The following PPFIA2 variants were observed in gnomAD, a reference collection of about 807,000 sequenced individuals.
PPFIA2 encodes the protein liprin-alpha-2.
PPFIA2 carries 46 observed loss-of-function variants against 175.5 expected under a neutral mutation model. The ratio of observed to expected loss-of-function variants is 0.26; its 90% CI spans 0.21 to 0.34. The LOEUF (loss-of-function observed/expected upper bound fraction) is 0.34. PPFIA2 is among the 10% of genes least tolerant of loss of function. PPFIA2 has a pLI of 1.00. For synonymous variants in PPFIA2, 568 were observed against 511.4 expected, an observed-to-expected ratio of 1.11 and a Z score of -1.49; for missense variants, 1,179 against 1,506.1, an observed-to-expected ratio of 0.78 and a Z score of 3.60.
At chr12:81,635,007 T>C (rs978344845) in intron 4 of PPFIA2, among the ~76,000 whole-genome samples, 1 of 152,230 alleles carries the variant, frequency 6.6e-6, no homozygotes, top group South Asian at 2.1e-4. Flanking sequence ...CTTCTCAGTA[T>C]GTGATACAAA....
chr12:81,641,316 T>C (rs1463589287), intron 4 of PPFIA2, among the ~76,000 whole-genome samples: 3 of 152,308 alleles, frequency 2.0e-5, no homozygotes, highest in Middle Eastern at 3.4e-3. Flanking sequence ...CAAATCTCAT[T>C]GATTATTATC....
chr12:81,509,519 A>G (rs945937837), intron 4 of PPFIA2, among the ~76,000 whole-genome samples: 2 of 151,570 alleles, frequency 1.3e-5, no homozygotes, highest in Admixed American at 1.3e-4. Context: ...TGCCCTTGAA[A>G]TCTCTGTCTT....
At chr12:81,283,079 T>C (rs371859311) in intron 25 of PPFIA2, 40 bp from the exon 26 acceptor site, 1 of 1,597,908 alleles carries the variant, frequency 6.3e-7, no homozygotes, top group Admixed American at 1.7e-5. Flanking sequence ...AGCAGGTAAA[T>C]ATAAATTAAT....
intron 16 of PPFIA2, among the ~76,000 whole-genome samples, chr12:81,356,718 A>G (rs753955965): frequency 7.9e-5 from 12 of 152,184 alleles, no homozygotes; most frequent in Non-Finnish European, 1.3e-4. Flanking sequence ...AGACAGATAT[A>G]GGAAATGAGC....
rs1414433562 is a variant in PPFIA2, at chr12:81,267,772, T to G, written c.3486+140A>C. 5 of 566,876 alleles carry G rather than the reference T, an allele frequency of 8.8e-6. No homozygotes were observed. The East Asian group carries it at 1.4e-4, about 16-fold the overall frequency. 35.1% of individuals were successfully genotyped at this position (566,876 alleles called of 1,614,324 possible). ...TGGCTAGAAATCCACTAGCCTGAAA[T>G]TAAAACCCCAGTGACATATTTCAAA... On this transcript the variant is annotated intron_variant, in intron 29 of 32. Transcript: ENST00000549396.
intron 4 of PPFIA2, among the ~76,000 whole-genome samples, chr12:81,622,207 A>G (rs73147410): frequency 0.064 from 9,717 of 152,256 alleles, 431 homozygotes; most frequent in East Asian, 0.25. Context: ...CCAATTGGGT[A>G]TATCAACTTG....
At chr12:81,396,181 C>A (rs764705960) in intron 8 of PPFIA2, among the ~76,000 whole-genome samples, 6 of 151,974 alleles carry the variant, frequency 3.9e-5, no homozygotes, top group African/African-American at 1.4e-4. Flanking sequence ...ATATTTATTT[C>A]TTATTCTTGA....
At chr12:81,516,274 G>A (rs2062428018) in intron 4 of PPFIA2, among the ~76,000 whole-genome samples, 1 of 152,062 alleles carries the variant, frequency 6.6e-6, no homozygotes, top group Non-Finnish European at 1.5e-5. Context: ...AAGAGTTCTT[G>A]TTGAGATTAA....
chr12:81,572,407 T>C (rs1044707340), intron 4 of PPFIA2, among the ~76,000 whole-genome samples: 4 of 152,058 alleles, frequency 2.6e-5, no homozygotes, highest in African/African-American at 9.7e-5. Context: ...ATGTGTTTCC[T>C]TAAGTATTGT....
intron 22 of PPFIA2, among the ~76,000 whole-genome samples, chr12:81,309,856 AC>A (rs1394676853): frequency 1.3e-5 from 2 of 151,842 alleles, no homozygotes; most frequent in African/African-American, 2.4e-5. Context: ...AGGTATAAAT[AC>A]CCCCCTGACA....
Position 81,424,550 on chromosome 12 carries a change from G to A in PPFIA2, c.645+15422C>T, listed in dbSNP as rs184828159. On this transcript the variant is annotated intron_variant, in intron 7 of 32. Coordinates refer to ENST00000549396, the MANE Select transcript of PPFIA2 (RefSeq NM_003625.5). Reference sequence around the variant, plus strand: ...TCCAAACATTCTTTATGTTTTGTGTGTTCTAGAGTCTGCTTTTTGTACATT... The same window carrying A: ...TCCAAACATTCTTTATGTTTTGTGTATTCTAGAGTCTGCTTTTTGTACATT... Among the ~76,000 whole-genome samples the A allele has an allele frequency of 4.9e-4, 75 of 152,134 alleles. 1 individual carries two copies. Among genetic ancestry groups the A allele is most frequent in the African/African-American group, 1.8e-3 (74 of 41,516 alleles).
At chr12:81,558,071 T>C (rs1045668069) in intron 4 of PPFIA2, among the ~76,000 whole-genome samples, 4 of 152,124 alleles carry the variant, frequency 2.6e-5, no homozygotes, top group East Asian at 3.9e-4. Context: ...ATTCTTAAGA[T>C]ACTCCATTTA....
chr12:81,602,992 C>T lies in PPFIA2; in HGVS notation c.303+73799G>A, dbSNP rs141255341. Among the ~76,000 whole-genome samples, 187 of 151,896 alleles carry T rather than the reference C, an allele frequency of 1.2e-3. 2 individuals carry two copies. The highest frequency in any genetic ancestry group is 4.3e-3 in the African/African-American group (180 of 41,514). ...GATAAATGTTGACTCAATGAATGTG[C>T]TGCTTACACAATATGGCTAAGTAAT... On this transcript the variant is annotated intron_variant, in intron 4 of 32. Transcript: ENST00000549396.
At chr12:81,741,916 G>T (rs751845638) in intron 3 of PPFIA2, among the ~76,000 whole-genome samples, 53 of 152,178 alleles carry the variant, frequency 3.5e-4, no homozygotes, top group Non-Finnish European at 6.3e-4. Flanking sequence ...ATAAATTTAA[G>T]CAGGATGATC....
rs1488766071 is a variant in PPFIA2, at chr12:81,531,325, A to T, written c.304-73459T>A. 2.0e-5 allele frequency among the ~76,000 whole-genome samples: 3 copies of T among 151,866 alleles called. No homozygotes were observed. In the Admixed American group the frequency reaches 2.0e-4, roughly 10 times the overall value. On this transcript the variant is annotated intron_variant, in intron 4 of 32. Transcript: ENST00000549396. ...ATCCCTGCCCTTCAGAAAACTAAAG[A>T]ATGGTGGAAGAGACAGATAATTAAA...
At chr12:81,660,180 G>A (rs897120123) in intron 4 of PPFIA2, among the ~76,000 whole-genome samples, 5 of 152,128 alleles carry the variant, frequency 3.3e-5, no homozygotes, top group East Asian at 1.9e-4. Flanking sequence ...CACCAGCAAC[G>A]GAACAAAGAT....
intron 4 of PPFIA2, among the ~76,000 whole-genome samples, chr12:81,638,993 G>C (rs1228814957): frequency 6.6e-6 from 1 of 152,130 alleles, no homozygotes; most frequent in African/African-American, 2.4e-5. Flanking sequence ...GGCCTGTTTT[G>C]TCATAAATTT....
At chr12:81,410,629 C>A (rs1320340868) in intron 7 of PPFIA2, among the ~76,000 whole-genome samples, 1 of 151,968 alleles carries the variant, frequency 6.6e-6, no homozygotes, top group Non-Finnish European at 1.5e-5. Context: ...CTTCACATTT[C>A]TTTGATAATA....
intron 28 of PPFIA2, among the ~76,000 whole-genome samples, chr12:81,274,214 A>G (rs563436406): frequency 5.9e-5 from 9 of 152,352 alleles, no homozygotes; most frequent in Admixed American, 5.9e-4. Flanking sequence ...ATTTTATTAA[A>G]CACACCGTTT....
Sources: allele counts gnomAD v4.1 joint callset (sites outside exome capture counted in the v4.1 genomes callset), GRCh38; gene constraint gnomAD v4.1.1; transcripts MANE v1.5; gene names NCBI Gene and HGNC (gene_info 2026-07-23, HGNC 2026-07-21).